The following SLC25A16 variants were observed in gnomAD, a reference collection of about 807,000 sequenced individuals.
SLC25A16 encodes the protein mitochondrial coenzyme A transporter SLC25A16.
A neutral mutation model predicts 41.5 loss-of-function variants in SLC25A16; 39 were observed. That is an observed-to-expected ratio of 0.94 (90% CI 0.73 to 1.23). The LOEUF (loss-of-function observed/expected upper bound fraction) is 1.23. Ranked by LOEUF, SLC25A16 falls within the 50% of genes most tolerant of loss-of-function variation. The pLI, the probability that SLC25A16 is intolerant of heterozygous loss-of-function variation, is 0.00. For synonymous variants in SLC25A16, 146 were observed against 147.8 expected (o/e 0.99, Z 0.09); for missense variants, 421 against 426.9 (o/e 0.99, Z 0.12).
At chr10:68,487,352 G>C in intron 7 of SLC25A16, 140 bp from the exon 8 acceptor site, 1 of 615,540 alleles carries the variant, frequency 1.6e-6, no homozygotes, top group Non-Finnish European at 2.9e-6. Context: ...TCGGGATATA[G>C]GCATATGAAT....
At chr10:68,527,175 T>G in intron 1 of SLC25A16, 71 bp downstream of exon 1, 4 of 1,488,024 alleles carry the variant, frequency 2.7e-6, no homozygotes, top group Non-Finnish European at 3.6e-6. Flanking sequence ...AGAGGCCGCT[T>G]GCATCCCACT....
chr10:68,498,771 C>A (rs1439496499), intron 4 of SLC25A16, among the ~76,000 whole-genome samples: 2 of 152,132 alleles, frequency 1.3e-5, no homozygotes. Flanking sequence ...ACAGTGAGCA[C>A]GTGGTTCTAA....
In SLC25A16 at chr10:68,484,974, A is replaced by G. The variant is rs114830642; in HGVS notation, c.843-1386T>C. The stretch of plus-strand genomic sequence containing the variant: ...AAGACGTGCTGTGAGTGTAAAATAC[A>G]CCCTGGATTTCAAATAGTTTGTATT... On this transcript the variant is annotated intron_variant, in intron 8 of 8. Transcript: ENST00000609923. Among the ~76,000 whole-genome samples, 500 of 152,260 alleles carry G rather than the reference A, an allele frequency of 3.3e-3. 5 individuals carry two copies. The highest frequency in any genetic ancestry group is 0.011 in the African/African-American group (473 of 41,554).
intron 6 of SLC25A16, among the ~76,000 whole-genome samples, chr10:68,492,272 C>G (rs2052671624): frequency 6.6e-6 from 1 of 152,254 alleles, no homozygotes; most frequent in South Asian, 2.1e-4. Context: ...CTTTCTTCAA[C>G]CCTTCCTCTA....
At chr10:68,523,496 G>T (rs1564931528) in intron 1 of SLC25A16, among the ~76,000 whole-genome samples, 1 of 151,606 alleles carries the variant, frequency 6.6e-6, no homozygotes, top group African/African-American at 2.4e-5. Flanking sequence ...TAATTGAGAG[G>T]GAGTCTTGCT....
At chr10:68,516,704 TCC>T in intron 2 of SLC25A16, 45 bp downstream of exon 2, 1 of 1,350,434 alleles carries the variant, frequency 7.4e-7, no homozygotes, top group Admixed American at 2.0e-5. Context: ...TTGCCCACTT[TCC>T]ACAATATTTT....
chr10:68,485,092 T>C (rs2052536203), intron 8 of SLC25A16, among the ~76,000 whole-genome samples: 1 of 152,192 alleles, frequency 6.6e-6, no homozygotes, highest in Admixed American at 6.5e-5. Flanking sequence ...TATTTTTTCT[T>C]CTTTTTCTTT....
chr10:68,486,466 C>G (rs544732174), intron 8 of SLC25A16, among the ~76,000 whole-genome samples: 4 of 151,476 alleles, frequency 2.6e-5, no homozygotes, highest in Admixed American at 2.6e-4. Context: ...CTCACTCTGT[C>G]GCCAAATTGG....
rs1474303839 is a variant in SLC25A16 at position 68,512,048 on chromosome 10, G to A, written c.223+4703C>T. 2.6e-5 allele frequency among the ~76,000 whole-genome samples: 4 copies of A among 152,012 alleles called. No homozygotes were observed. The East Asian group carries it at 5.8e-4, about 22-fold the overall frequency. On this transcript the variant is annotated intron_variant, in intron 2 of 8. Transcript: ENST00000609923. The stretch of plus-strand genomic sequence containing the variant: ...ATTTTTGTATTTTTAGTAGAGACGG[G>A]GCTTCACCATATTGGCTAGGCTTAC...
At chr10:68,527,083 A>G (rs1247045657) in intron 1 of SLC25A16, among the ~76,000 whole-genome samples, 163 bp downstream of exon 1, 1 of 152,144 alleles carries the variant, frequency 6.6e-6, no homozygotes, top group Admixed American at 6.6e-5. Flanking sequence ...TCATTAGTCA[A>G]GTGATTACTA....
At chr10:68,499,875 CA>C in intron 4 of SLC25A16, 1 of 549,632 alleles carries the variant, frequency 1.8e-6, no homozygotes, top group Non-Finnish European at 3.4e-6. Context: ...ACAAAGACGG[CA>C]AAAAGATTCC....
chr10:68,503,479 CCT>C (rs768991782), intron 4 of SLC25A16, among the ~76,000 whole-genome samples, 151 bp downstream of exon 4: 1 of 152,128 alleles, frequency 6.6e-6, no homozygotes, highest in Non-Finnish European at 1.5e-5. Flanking sequence ...TTAATACATA[CCT>C]TTTTTTGAGG....
chr10:68,520,184 C>G (rs1366505779), intron 1 of SLC25A16, among the ~76,000 whole-genome samples: 1 of 150,934 alleles, frequency 6.6e-6, no homozygotes, highest in Non-Finnish European at 1.5e-5. Context: ...TTCTTGAACT[C>G]CTGATCTCGT....
chr10:68,499,315 A>C (rs1443929514), intron 4 of SLC25A16, among the ~76,000 whole-genome samples: 2 of 152,228 alleles, frequency 1.3e-5, no homozygotes, highest in African/African-American at 2.4e-5. Context: ...ACCAAAGAGC[A>C]CAACAAGCGG....
At chr10:68,510,931 T>A (rs2053052677) in intron 2 of SLC25A16, among the ~76,000 whole-genome samples, 1 of 151,830 alleles carries the variant, frequency 6.6e-6, no homozygotes, top group African/African-American at 2.4e-5. Flanking sequence ...AATAAAATGC[T>A]TAAAAGCATT....
chr10:68,527,392 T>C lies in SLC25A16; in HGVS notation c.-17A>G. On this transcript the variant is annotated 5_prime_UTR_variant, in exon 1 of 9. Transcript: ENST00000609923. ...CGCCGCCATCAGGACCAGGGTCGCG[T>C]CAGGAGCCTAGGTTGCCAACTTACA... 6.8e-7 allele frequency: 1 copy of C among 1,468,832 alleles called. No individual in the cohort carries two copies. The highest frequency in any genetic ancestry group is 8.9e-7 in the Non-Finnish European group (1 of 1,118,964). The allele number at this position is 1,468,832 out of a possible 1,614,324, so 91.0% of individuals were successfully genotyped here.
At chr10:68,520,449 G>A (rs2053231773) in intron 1 of SLC25A16, among the ~76,000 whole-genome samples, 1 of 151,990 alleles carries the variant, frequency 6.6e-6, no homozygotes, top group South Asian at 2.1e-4. Context: ...GCCTAGGTGG[G>A]AGGATCACTT....
chr10:68,509,746 T>G (rs999399432), intron 2 of SLC25A16, among the ~76,000 whole-genome samples: 1 of 143,992 alleles, frequency 6.9e-6, no homozygotes, highest in African/African-American at 2.6e-5. Flanking sequence ...TATATATCTA[T>G]ATATATAGAT....
chr10:68,511,709 T>C (rs114738994), intron 2 of SLC25A16, among the ~76,000 whole-genome samples: 3,636 of 152,260 alleles, frequency 0.024, 151 homozygotes, highest in African/African-American at 0.083. Context: ...CTTTCTTTTT[T>C]GGAGACAGAG....
Sources: allele counts gnomAD v4.1 joint callset (sites outside exome capture counted in the v4.1 genomes callset), GRCh38; gene constraint gnomAD v4.1.1; transcripts MANE v1.5; gene names NCBI Gene and HGNC (gene_info 2026-07-23, HGNC 2026-07-21).